RORA: variants seen among roughly 807,000 people sequenced by gnomAD.
RORA encodes nuclear receptor ROR-alpha.
In RORA, 7 loss-of-function variants were observed where a neutral mutation model predicts 69.5. The observed-to-expected ratio is 0.10, with a 90% CI of 0.06 to 0.19. RORA has a LOEUF of 0.19. Ranked by LOEUF, RORA falls within the 10% of genes least tolerant of loss-of-function variation. RORA has a pLI of 1.00. For missense variants in RORA, 457 were observed against 663.0 expected, an observed-to-expected ratio of 0.69 and a Z score of 3.41; for synonymous variants, 261 against 240.8, an observed-to-expected ratio of 1.08 and a Z score of -0.78.
At chr15:60,760,308 C>T (rs369656014) in intron 1 of RORA, among the ~76,000 whole-genome samples, 23 of 152,186 alleles carry the variant, frequency 1.5e-4, no homozygotes, top group East Asian at 1.2e-3. Flanking sequence ...TATTTGCTAA[C>T]GAAGGGAGCA....
At chr15:60,702,714 C>T (rs187281113) in intron 1 of RORA, among the ~76,000 whole-genome samples, 61 of 152,306 alleles carry the variant, frequency 4.0e-4, no homozygotes, top group Non-Finnish European at 6.6e-4. Flanking sequence ...AAGTGGTTGT[C>T]ACATGGTAGG....
At chr15:60,698,008 A>G (rs1348696032) in intron 1 of RORA, among the ~76,000 whole-genome samples, 1 of 152,232 alleles carries the variant, frequency 6.6e-6, no homozygotes, top group Non-Finnish European at 1.5e-5. Context: ...AAATGATGCC[A>G]TGCTACACTT....
chr15:60,994,763 T>G (rs1020374691), intron 1 of RORA, among the ~76,000 whole-genome samples: 2 of 152,212 alleles, frequency 1.3e-5, no homozygotes, highest in Admixed American at 6.5e-5. Context: ...CAACTCAACA[T>G]ACGTCTTCTT....
chr15:60,753,174 G>A (rs767557881), intron 1 of RORA, among the ~76,000 whole-genome samples: 6 of 152,200 alleles, frequency 3.9e-5, no homozygotes, highest in South Asian at 2.1e-4. Flanking sequence ...CGTGGATGGC[G>A]TAGAAAAGGG....
chr15:60,720,278 G>A (rs1473079578), intron 1 of RORA, among the ~76,000 whole-genome samples: 1 of 152,166 alleles, frequency 6.6e-6, no homozygotes, highest in African/African-American at 2.4e-5. Flanking sequence ...CTAGCCTGAT[G>A]CCTCCATTCA....
At chr15:60,820,627 T>C (rs184632786) in intron 1 of RORA, among the ~76,000 whole-genome samples, 1 of 144,406 alleles carries the variant, frequency 6.9e-6, no homozygotes, top group East Asian at 2.0e-4. Context: ...ACACTGGGAG[T>C]AAAGGCAGAG....
At chr15:60,636,155 C>T (rs1408867728) in intron 2 of RORA, among the ~76,000 whole-genome samples, 1 of 152,196 alleles carries the variant, frequency 6.6e-6, no homozygotes, top group Non-Finnish European at 1.5e-5. Flanking sequence ...AAGAAGCTCA[C>T]CCATGTCCCA....
intron 1 of RORA, among the ~76,000 whole-genome samples, chr15:61,190,214 C>A (rs1219760920): frequency 6.6e-6 from 1 of 151,834 alleles, no homozygotes; most frequent in Non-Finnish European, 1.5e-5. Flanking sequence ...GCTGTAAGAA[C>A]ATCAGTGTGC....
chr15:60,994,699 G>A (rs1017633374), intron 1 of RORA, among the ~76,000 whole-genome samples: 14 of 152,208 alleles, frequency 9.2e-5, no homozygotes, highest in Admixed American at 2.6e-4. Context: ...GTCCAAGAGC[G>A]GGGAACAGGA....
In RORA at chr15:60,993,791, A is replaced by G. The variant is rs547928767; in HGVS notation, c.166+235262T>C. Among the ~76,000 whole-genome samples, 5 of 152,302 alleles carry G rather than the reference A, an allele frequency of 3.3e-5. No homozygotes were observed. In the East Asian group the frequency reaches 9.6e-4, roughly 29 times the overall value. ...ACTGCAATCTTTTAAACCATCAGCA[A>G]AATCATTTGGTATTCTTAGACACCC... is the stretch of plus-strand genomic sequence containing the variant. On this transcript the variant is annotated intron_variant, in intron 1 of 10. Coordinates refer to ENST00000335670, the MANE Select transcript of RORA (RefSeq NM_134261.3).
At chr15:60,630,911 G>C (rs111433657) in intron 2 of RORA, among the ~76,000 whole-genome samples, 1 of 22,568 alleles carries the variant, frequency 4.4e-5, no homozygotes, top group Admixed American at 3.8e-4. Flanking sequence ...TTTTTGAGAC[G>C]GAGTCTCGCT....
At chr15:61,189,576 G>A (rs930319147) in intron 1 of RORA, among the ~76,000 whole-genome samples, 1 of 152,116 alleles carries the variant, frequency 6.6e-6, no homozygotes, top group African/African-American at 2.4e-5. Flanking sequence ...ACAGATATCT[G>A]GCCAGGTGTG....
chr15:61,032,208 C>T (rs574798684), intron 1 of RORA, among the ~76,000 whole-genome samples: 1 of 152,314 alleles, frequency 6.6e-6, no homozygotes, highest in African/African-American at 2.4e-5. Context: ...TAGCTTACAT[C>T]ACATTTTACC....
rs904470179 is a variant in RORA at position 60,488,996 on chromosome 15, C to A, written c.*8459G>T. The A allele has an allele frequency of 6.6e-6, 1 of 152,180 alleles. No homozygotes were observed. Among genetic ancestry groups the A allele is most frequent in the Non-Finnish European group, 1.5e-5 (1 of 68,036 alleles). The allele number at this position is 152,180 out of a possible 1,614,324, so 9.4% of individuals were successfully genotyped here. On this transcript the variant is annotated 3_prime_UTR_variant, in exon 11 of 11. Coordinates refer to ENST00000335670, the MANE Select transcript of RORA (RefSeq NM_134261.3). The stretch of plus-strand genomic sequence containing the variant: ...GGAAAAACGTTTTAATTGGGGCACA[C>A]TTGTTATCATTTAACAATTGTCAAA...
chr15:60,720,731 C>G (rs1373600200), intron 1 of RORA, among the ~76,000 whole-genome samples: 1 of 152,172 alleles, frequency 6.6e-6, no homozygotes, highest in Non-Finnish European at 1.5e-5. Context: ...AAGAACAGGT[C>G]TTTGTTCATA....
chr15:60,819,366 C>T (rs994921296), intron 1 of RORA, among the ~76,000 whole-genome samples: 1 of 152,100 alleles, frequency 6.6e-6, no homozygotes, highest in African/African-American at 2.4e-5. Context: ...GTCAAGGCTT[C>T]GAAACACCAT....
At chr15:61,093,040 C>T (rs2078731404) in intron 1 of RORA, among the ~76,000 whole-genome samples, 1 of 152,158 alleles carries the variant, frequency 6.6e-6, no homozygotes, top group Admixed American at 6.5e-5. Context: ...CTGCTTCTTC[C>T]TCTATCTGCT....
intron 1 of RORA, among the ~76,000 whole-genome samples, chr15:60,740,167 C>G (rs1219152761): frequency 6.6e-6 from 1 of 152,014 alleles, no homozygotes; most frequent in African/African-American, 2.4e-5. Context: ...CAACAAAGGC[C>G]TCTGAATTCT....
chr15:61,047,259 G>A (rs953419907), intron 1 of RORA, among the ~76,000 whole-genome samples: 1 of 152,246 alleles, frequency 6.6e-6, no homozygotes, highest in African/African-American at 2.4e-5. Flanking sequence ...CACATGGCCT[G>A]GGCCCCCTGC....
Sources: gnomAD v4.1 joint callset for allele counts (sites outside exome capture counted in the v4.1 genomes callset) on GRCh38, gnomAD v4.1.1 for gene constraint, MANE v1.5 for transcripts, NCBI Gene and HGNC (gene_info 2026-07-23, HGNC 2026-07-21) for gene names.